Variants in DPY19L3 observed in about 807,000 individuals in gnomAD.
DPY19L3 encodes protein C-mannosyl-transferase DPY19L3.
Under a neutral mutation model 92.3 loss-of-function variants are expected in DPY19L3, and 51 were observed. The ratio of observed to expected loss-of-function variants is 0.55; its 90% confidence interval spans 0.44 to 0.70. DPY19L3 has a LOEUF of 0.70. DPY19L3 is among the 30% of genes least tolerant of loss of function. The pLI is 0.00. For missense variants in DPY19L3, 706 were observed against 855.9 expected (o/e 0.82, Z 2.18); for synonymous variants, 309 against 315.2 (o/e 0.98, Z 0.21).
chr19:32,481,790 G>C (rs1483157047), intron 18 of DPY19L3: 3 of 275,512 alleles, frequency 1.1e-5, no homozygotes, highest in Non-Finnish European at 2.0e-5. Flanking sequence ...TTCTATGAGA[G>C]AGACAGTATA....
chr19:32,427,608 A>C (rs1027628215), intron 3 of DPY19L3, among the ~76,000 whole-genome samples: 1 of 152,208 alleles, frequency 6.6e-6, no homozygotes, highest in Non-Finnish European at 1.5e-5. Flanking sequence ...TGATTGCCTG[A>C]GTGTGGGCCC....
intron 2 of DPY19L3, among the ~76,000 whole-genome samples, chr19:32,410,121 A>G (rs1968126517): frequency 6.6e-6 from 1 of 152,184 alleles, no homozygotes; most frequent in African/African-American, 2.4e-5. Flanking sequence ...AAAGCTGTCA[A>G]ATTGGCCAAG....
intron 16 of DPY19L3, among the ~76,000 whole-genome samples, chr19:32,472,562 T>C (rs1030375759): frequency 3.6e-4 from 54 of 151,558 alleles, no homozygotes; most frequent in African/African-American, 1.3e-3. Flanking sequence ...TTCTGGTGTC[T>C]CTTTCAGCAA....
At chr19:32,432,907 CAT>C (rs1185617098) in intron 4 of DPY19L3, 101 bp downstream of exon 4, 9 of 910,796 alleles carry the variant, frequency 9.9e-6, no homozygotes, top group Middle Eastern at 2.2e-4. Flanking sequence ...CTCTCTAGAA[CAT>C]GTGTATTTTT....
intron 1 of DPY19L3, among the ~76,000 whole-genome samples, chr19:32,406,566 G>T (rs1216637625): frequency 6.6e-6 from 1 of 151,946 alleles, no homozygotes; most frequent in Non-Finnish European, 1.5e-5. Context: ...TCCCCAGGCT[G>T]GTCTCAAACT....
chr19:32,458,407 A>G lies in DPY19L3; in HGVS notation c.1220A>G (p.Asn407Ser). 3 of 1,613,832 alleles carry G rather than the reference A, an allele frequency of 1.9e-6. No homozygotes were observed. The highest frequency in any genetic ancestry group is 2.5e-6 in the Non-Finnish European group (3 of 1,179,982). ...GAAGCTTTTGGCCTCCTGCCTTTTA[A>G]TACATTTGGAAGGCTTTCAGATACT... ...CEEAFGLLPF[N>S]TFGRLSDTLL... Residue 407 changes from asparagine (N) to serine (S), a missense_variant, in exon 12 of 19, where the codon AAT (asparagine) becomes AGT (serine). Physicochemically the swap from Asn to Ser is conservative, Grantham distance 46 (BLOSUM62 1). Coordinates refer to ENST00000392250, the MANE Select transcript of DPY19L3 (RefSeq NM_001172774.2).
intron 3 of DPY19L3, among the ~76,000 whole-genome samples, chr19:32,424,589 C>A (rs11882208): frequency 1.3e-5 from 2 of 151,524 alleles, no homozygotes; most frequent in African/African-American, 2.4e-5. Flanking sequence ...AAGATCATGC[C>A]GTTGTGCTCC....
At chr19:32,410,073 A>AT (rs2145390041) in intron 2 of DPY19L3, among the ~76,000 whole-genome samples, 1 of 152,272 alleles carries the variant, frequency 6.6e-6, no homozygotes, top group African/African-American at 2.4e-5. Context: ...GAAGATGTCT[A>AT]TTTTTTATAC....
chr19:32,466,917 C>T (rs1416431009), intron 15 of DPY19L3, among the ~76,000 whole-genome samples: 2 of 152,188 alleles, frequency 1.3e-5, no homozygotes, highest in Non-Finnish European at 2.9e-5. Flanking sequence ...TCCAACTATT[C>T]CAGCTCTTAC....
At chr19:32,474,144 A>T (rs11084651) in intron 16 of DPY19L3, among the ~76,000 whole-genome samples, 1 of 152,064 alleles carries the variant, frequency 6.6e-6, no homozygotes, top group Non-Finnish European at 1.5e-5. Context: ...ATGAGGATAT[A>T]TGTATTTTAC....
rs1054106033 is a variant in DPY19L3, at chr19:32,483,732, T to C, written c.*1492T>C. 6.6e-6 allele frequency: 1 copy of C among 152,306 alleles called. No individual in the cohort carries two copies. The highest frequency in any genetic ancestry group is 1.5e-5 in the Non-Finnish European group (1 of 68,052). The allele number at this position is 152,306 out of a possible 1,614,324, so 9.4% of individuals were successfully genotyped here. A position where few individuals can be genotyped will look rare whatever the true frequency, so the allele number is the denominator to read the frequency against. The stretch of plus-strand genomic sequence containing the variant: ...TGACAGTAGCTGGGTTATTAAATTA[T>C]GCAACTGAAACTCCTGAATTATATC... On this transcript the variant is annotated 3_prime_UTR_variant, in exon 19 of 19. Transcript: ENST00000392250.
intron 17 of DPY19L3, 41 bp downstream of exon 17, chr19:32,477,695 G>C (rs1970553729): frequency 3.7e-6 from 6 of 1,611,188 alleles, no homozygotes; most frequent in Admixed American, 3.3e-5. Flanking sequence ...TTGTGGGCCA[G>C]CTATGGGCTG....
intron 3 of DPY19L3, among the ~76,000 whole-genome samples, chr19:32,413,786 T>C (rs993240954): frequency 2.0e-5 from 3 of 152,072 alleles, no homozygotes; most frequent in Non-Finnish European, 2.9e-5. Flanking sequence ...AATGGCACAA[T>C]TACAGCTCGC....
chr19:32,413,469 C>T lies in DPY19L3; in HGVS notation c.237+2097C>T, dbSNP rs528972120. 1.5e-4 allele frequency among the ~76,000 whole-genome samples: 22 copies of T among 149,858 alleles called. No individual in the cohort carries two copies. The South Asian group carries it at 4.6e-3, about 31-fold the overall frequency. On this transcript the variant is annotated intron_variant, in intron 3 of 18. Coordinates refer to ENST00000392250, the MANE Select transcript of DPY19L3 (RefSeq NM_001172774.2). Reference sequence around the variant, plus strand: ...CTTTTTTTTTTTAATTATTATTATACTTTAAGTTTTAGGGTACATGTGCAC... The same window carrying T: ...CTTTTTTTTTTTAATTATTATTATATTTTAAGTTTTAGGGTACATGTGCAC...
At chr19:32,459,192 G>T (rs1434476602) in intron 12 of DPY19L3, among the ~76,000 whole-genome samples, 1 of 152,162 alleles carries the variant, frequency 6.6e-6, no homozygotes, top group Non-Finnish European at 1.5e-5. Flanking sequence ...AAAAAATCAG[G>T]AGTATGAAGG....
intron 16 of DPY19L3, among the ~76,000 whole-genome samples, chr19:32,471,533 C>A (rs1033023351): frequency 1.3e-5 from 2 of 152,184 alleles, no homozygotes; most frequent in Admixed American, 6.5e-5. Context: ...GCACCCCTTA[C>A]GTGACGTGTT....
chr19:32,459,436 C>G (rs1969971247), intron 12 of DPY19L3, among the ~76,000 whole-genome samples: 1 of 152,146 alleles, frequency 6.6e-6, no homozygotes, highest in Non-Finnish European at 1.5e-5. Flanking sequence ...GAGTCCAGAG[C>G]AGTTGAGAGG....
intron 4 of DPY19L3, among the ~76,000 whole-genome samples, chr19:32,435,336 C>T (rs1969103950): frequency 6.6e-6 from 1 of 152,216 alleles, no homozygotes; most frequent in African/African-American, 2.4e-5. Flanking sequence ...GTGGGGGACA[C>T]ATTTCAGTCC....
intron 1 of DPY19L3, among the ~76,000 whole-genome samples, chr19:32,407,095 A>G (rs1411131236): frequency 6.6e-6 from 1 of 152,034 alleles, no homozygotes; most frequent in Non-Finnish European, 1.5e-5. Context: ...GAATTAATAA[A>G]CTGTGGAAAC....
Sources: gnomAD v4.1 joint callset for allele counts (sites outside exome capture counted in the v4.1 genomes callset) on GRCh38, gnomAD v4.1.1 for gene constraint, MANE v1.5 for transcripts, NCBI Gene and HGNC (gene_info 2026-07-23, HGNC 2026-07-21) for gene names.